CNTN5: variants seen among roughly 807,000 people sequenced by gnomAD.
CNTN5 encodes contactin-5.
In CNTN5, 77 loss-of-function variants were observed where a neutral mutation model predicts 129.1. The observed-to-expected ratio is 0.60, with a 90% CI of 0.50 to 0.72. The LOEUF is 0.72. Among genes scored for constraint, CNTN5 ranks in the 30% least tolerant of loss-of-function variants. CNTN5 has a pLI of 0.00. For missense variants in CNTN5, 1,478 were observed against 1,328.8 expected (o/e 1.11, Z -1.75); for synonymous variants, 509 against 465.6 (o/e 1.09, Z -1.20).
At chr11:99,331,539 AAC>A (rs772837397) in intron 2 of CNTN5, among the ~76,000 whole-genome samples, 27 of 152,250 alleles carry the variant, frequency 1.8e-4, no homozygotes, top group Middle Eastern at 3.4e-3. Context: ...TGAAAAAGAA[AAC>A]ACAATTGTGA....
chr11:99,541,842 C>T (rs569857026), intron 2 of CNTN5, among the ~76,000 whole-genome samples: 4 of 151,372 alleles, frequency 2.6e-5, no homozygotes, highest in South Asian at 2.1e-4. Context: ...CTAGCTACTC[C>T]GGAGACTGAG....
chr11:99,135,135 A>G (rs1051421678), intron 1 of CNTN5, among the ~76,000 whole-genome samples: 1 of 152,224 alleles, frequency 6.6e-6, no homozygotes, highest in African/African-American at 2.4e-5. Context: ...TTATGCATCA[A>G]ATGTTGGCTA....
At chr11:99,176,937 CT>C (rs1857802405) in intron 1 of CNTN5, among the ~76,000 whole-genome samples, 3 of 152,116 alleles carry the variant, frequency 2.0e-5, no homozygotes, top group Admixed American at 6.6e-5. Context: ...GATCTTGGCC[CT>C]TGTTTTTACC....
At chr11:100,002,874 C>T in intron 9 of CNTN5, among the ~76,000 whole-genome samples, 1 of 151,628 alleles carries the variant, frequency 6.6e-6, no homozygotes, top group East Asian at 1.9e-4. Flanking sequence ...GCTAAGACTT[C>T]AGGGTTCTTT....
intron 3 of CNTN5, among the ~76,000 whole-genome samples, chr11:99,653,785 A>T (rs979668332): frequency 4.6e-5 from 7 of 152,110 alleles, no homozygotes; most frequent in Non-Finnish European, 1.0e-4. Flanking sequence ...GATCTTTGCT[A>T]TAGTCAGGTT....
At chr11:99,632,900 GT>G (rs1176018980) in intron 3 of CNTN5, among the ~76,000 whole-genome samples, 2 of 151,912 alleles carry the variant, frequency 1.3e-5, no homozygotes, top group Admixed American at 1.3e-4. Context: ...TCTTGGGGGG[GT>G]TACAAAAATA....
chr11:99,451,029 C>T (rs1438168972), intron 2 of CNTN5, among the ~76,000 whole-genome samples: 4 of 151,974 alleles, frequency 2.6e-5, no homozygotes, highest in Non-Finnish European at 5.9e-5. Flanking sequence ...ATATCCGACA[C>T]AGTTTCAGAC....
chr11:100,007,865 C>A (rs774597639), intron 9 of CNTN5, among the ~76,000 whole-genome samples: 3 of 151,818 alleles, frequency 2.0e-5, no homozygotes, highest in Admixed American at 6.6e-5. Flanking sequence ...GACTTGCCTT[C>A]CTCACTAAGC....
chr11:99,741,377 TACTA>T (rs2135159734), intron 3 of CNTN5, among the ~76,000 whole-genome samples: 1 of 152,262 alleles, frequency 6.6e-6, no homozygotes, highest in Admixed American at 6.5e-5. Flanking sequence ...TTCAGTATGT[TACTA>T]ACACCTCCTG....
chr11:99,451,407 C>T (rs1944296102), intron 2 of CNTN5, among the ~76,000 whole-genome samples: 1 of 152,022 alleles, frequency 6.6e-6, no homozygotes, highest in South Asian at 2.1e-4. Flanking sequence ...CAAAATATTA[C>T]AAATGGAATG....
intron 2 of CNTN5, among the ~76,000 whole-genome samples, chr11:99,513,434 AGC>A (rs1176416607): frequency 6.6e-6 from 1 of 152,138 alleles, no homozygotes; most frequent in Non-Finnish European, 1.5e-5. Flanking sequence ...GTAGACAAAG[AGC>A]CTTCTGTTGG....
intron 7 of CNTN5, among the ~76,000 whole-genome samples, chr11:99,926,203 C>A (rs554595108): frequency 6.6e-6 from 1 of 152,208 alleles, no homozygotes; most frequent in East Asian, 1.9e-4. Context: ...TGCCTTAAAT[C>A]ATTATCTGCT....
intron 13 of CNTN5, among the ~76,000 whole-genome samples, chr11:100,106,928 G>A (rs1206582970): frequency 6.6e-6 from 1 of 152,028 alleles, no homozygotes; most frequent in Non-Finnish European, 1.5e-5. Context: ...TACTTTCAAG[G>A]GAGTTCTTGA....
intron 2 of CNTN5, among the ~76,000 whole-genome samples, chr11:99,483,588 C>T (rs1425868642): frequency 6.6e-6 from 1 of 152,082 alleles, no homozygotes; most frequent in Admixed American, 6.6e-5. Flanking sequence ...TCCCTGGTGC[C>T]AGCTGTGACC....
intron 1 of CNTN5, among the ~76,000 whole-genome samples, chr11:99,124,496 C>T (rs1194342847): frequency 1.3e-5 from 2 of 151,780 alleles, no homozygotes; most frequent in South Asian, 2.1e-4. Flanking sequence ...TAGCACTAAA[C>T]GCCCACATTA....
chr11:99,681,116 G>A (rs2134714402), intron 3 of CNTN5, among the ~76,000 whole-genome samples: 1 of 152,212 alleles, frequency 6.6e-6, no homozygotes, highest in Middle Eastern at 3.4e-3. Context: ...CGGATGAAGA[G>A]TTGCTTATTA....
chr11:100,350,694 ACT>A lies in CNTN5; in HGVS notation c.3031-4_3031-3del, dbSNP rs760975715. ...TATCAAATGTCTAAACCTTGTTATT[ACT>A]CTCAGGTTTTTTATAGGCAAGAGGG... is the stretch of plus-strand genomic sequence containing the variant. On this transcript the variant is annotated splice_region_variant and splice_polypyrimidine_tract_variant and intron_variant, in intron 23 of 24. Coordinates refer to ENST00000524871, the MANE Select transcript of CNTN5 (RefSeq NM_014361.4). The A allele has an allele frequency of 2.3e-5, 36 of 1,596,278 alleles. No homozygotes were observed. In the South Asian group the frequency reaches 3.8e-4, roughly 17 times the overall value.
intron 3 of CNTN5, among the ~76,000 whole-genome samples, chr11:99,768,938 T>A (rs773321012): frequency 6.6e-6 from 1 of 152,204 alleles, no homozygotes; most frequent in Admixed American, 6.5e-5. Flanking sequence ...TCAATTATTA[T>A]ACTATAGAAC....
intron 17 of CNTN5, among the ~76,000 whole-genome samples, chr11:100,266,888 C>A (rs1950314355): frequency 6.6e-6 from 1 of 151,988 alleles, no homozygotes; most frequent in African/African-American, 2.4e-5. Context: ...AAAAGTTTAC[C>A]AAGCGCCTTT....
Sources: allele counts gnomAD v4.1 joint callset (sites outside exome capture counted in the v4.1 genomes callset), GRCh38; gene constraint gnomAD v4.1.1; transcripts MANE v1.5; gene names NCBI Gene and HGNC (gene_info 2026-07-23, HGNC 2026-07-21).